The following RAB15 variants were observed in gnomAD, a reference collection of about 807,000 sequenced individuals.
The protein encoded by RAB15 is RAB15, member RAS oncogene family, also known as ras-related protein Rab-15.
RAB15 carries 13 observed loss-of-function variants against 31.8 expected under a neutral mutation model. The ratio of observed to expected loss-of-function variants is 0.41; its 90% confidence interval spans 0.27 to 0.65. The LOEUF is 0.65. RAB15 is among the 30% of genes least tolerant of loss of function. RAB15 has a pLI of 0.32. For synonymous variants in RAB15, 100 were observed against 105.6 expected, an observed-to-expected ratio of 0.95 and a Z score of 0.33; for missense variants, 220 against 277.3, an observed-to-expected ratio of 0.79 and a Z score of 1.47.
At chr14:64,967,371 G>A (rs1887192369) in intron 1 of RAB15, among the ~76,000 whole-genome samples, 1 of 152,150 alleles carries the variant, frequency 6.6e-6, no homozygotes, top group Non-Finnish European at 1.5e-5. Context: ...GGTGGATCAC[G>A]AGTCCAGGAG....
intron 1 of RAB15, among the ~76,000 whole-genome samples, chr14:64,966,292 G>A (rs1887134211): frequency 6.6e-6 from 1 of 152,158 alleles, no homozygotes; most frequent in African/African-American, 2.4e-5. Flanking sequence ...GAGTGCACAA[G>A]TGATGGATAC....
Position 64,962,542 on chromosome 14 carries a change from A to G in RAB15, c.124+9411T>C, listed in dbSNP as rs1886918084. ...CTGCGGGATAAAGTAGAGAGTGAGG[A>G]GACCCCAAGCACAAGCAACCTTAGA... On this transcript the variant is annotated intron_variant, in intron 1 of 6. Coordinates refer to ENST00000533601, the MANE Select transcript of RAB15 (RefSeq NM_001308154.2). The surrounding 1 kb of genome is among the most constrained non-coding windows in gnomAD (Gnocchi z 4.2). 6.6e-6 allele frequency among the ~76,000 whole-genome samples: 1 copy of G among 152,238 alleles called. No individual in the cohort carries two copies.
chr14:64,950,480 G>T lies in RAB15; in HGVS notation c.325-66C>A. 1 of 1,309,034 alleles carries T rather than the reference G, an allele frequency of 7.6e-7. No individual in the cohort carries two copies. The highest frequency in any genetic ancestry group is 1.1e-6 in the Non-Finnish European group (1 of 906,426). The allele number at this position is 1,309,034 out of a possible 1,614,324, so 81.1% of individuals were successfully genotyped here. A position where few individuals can be genotyped will look rare whatever the true frequency, so the allele number is the denominator to read the frequency against. On this transcript the variant is annotated intron_variant, in intron 4 of 6. Coordinates refer to ENST00000533601, the MANE Select transcript of RAB15 (RefSeq NM_001308154.2). The surrounding 1 kb of genome is among the most constrained non-coding windows in gnomAD (Gnocchi z 5.6). Reference sequence around the variant, plus strand: ...CTGCCCCCCCAATTTTCCCTACAGAGTCTGCACTGCCTCCAGCCCACCACC... The same window carrying T: ...CTGCCCCCCCAATTTTCCCTACAGATTCTGCACTGCCTCCAGCCCACCACC...
At chr14:64,961,054 G>A (rs947243941) in intron 1 of RAB15, among the ~76,000 whole-genome samples, 2 of 151,944 alleles carry the variant, frequency 1.3e-5, no homozygotes, top group Non-Finnish European at 2.9e-5. Flanking sequence ...TTATCACCAG[G>A]ATCAACCACA....
At position 64,954,061 on chromosome 14, in the gene RAB15, AATC is replaced by A; in HGVS notation, c.125-1493_125-1491del. The A allele has an allele frequency of 5.1e-6, 5 of 985,508 alleles. No individual in the cohort carries two copies. The highest frequency in any genetic ancestry group is 6.0e-6 in the Non-Finnish European group (5 of 829,946). 61.0% of individuals were successfully genotyped at this position (985,508 alleles called of 1,614,324 possible). A position where few individuals can be genotyped will look rare whatever the true frequency, so the allele number is the denominator to read the frequency against. On this transcript the variant is annotated intron_variant, in intron 1 of 6. Coordinates refer to ENST00000533601, the MANE Select transcript of RAB15 (RefSeq NM_001308154.2). The surrounding 1 kb of genome is among the most constrained non-coding windows in gnomAD (Gnocchi z 4.3). The stretch of plus-strand genomic sequence containing the variant: ...TCTCTTCCTTCCCACCATCAAGACC[AATC>A]ATCATTTAATTACAAGGGAAAAAAG...
At position 64,971,866 on chromosome 14, in the gene RAB15, G is replaced by T; in HGVS notation, c.124+87C>A. ...CCACCGCCTCCAGCCGGAGGGGCTG[G>T]CAATTCCTCCCCAGCTGGGGACGGG... On this transcript the variant is annotated intron_variant, in intron 1 of 6. Coordinates refer to ENST00000533601, the MANE Select transcript of RAB15 (RefSeq NM_001308154.2). The surrounding 1 kb of genome is among the most constrained non-coding windows in gnomAD (Gnocchi z 4.1). The T allele has an allele frequency of 7.6e-7, 1 of 1,311,350 alleles. No individual in the cohort carries two copies. Among genetic ancestry groups the T allele is most frequent in the Non-Finnish European group, 1.0e-6 (1 of 953,866 alleles). The allele number at this position is 1,311,350 out of a possible 1,614,324, so 81.2% of individuals were successfully genotyped here.
At position 64,947,976 on chromosome 14, in the gene RAB15, A is replaced by C; in HGVS notation, c.*378T>G. The stretch of plus-strand genomic sequence containing the variant: ...GGGTCAGAGAAAGAGAAGTGGGGGA[A>C]GAGAGAAAAAGCAGAGAAGAGACAC... On this transcript the variant is annotated 3_prime_UTR_variant, in exon 7 of 7. Coordinates refer to ENST00000533601, the MANE Select transcript of RAB15 (RefSeq NM_001308154.2). This position sits in a 1 kb window ranked among gnomAD's most constrained non-coding sequence, Gnocchi z 5.6. 12 of 191,416 alleles carry C rather than the reference A, an allele frequency of 6.3e-5. No individual in the cohort carries two copies. Among genetic ancestry groups the C allele is most frequent in the East Asian group, 2.5e-4 (2 of 7,940 alleles). 11.9% of individuals were successfully genotyped at this position (191,416 alleles called of 1,614,324 possible). A position where few individuals can be genotyped will look rare whatever the true frequency, so the allele number is the denominator to read the frequency against.
In RAB15 at chr14:64,958,877, C is replaced by A; in HGVS notation, c.125-6306G>T. On this transcript the variant is annotated intron_variant, in intron 1 of 6. Coordinates refer to ENST00000533601, the MANE Select transcript of RAB15 (RefSeq NM_001308154.2). This position sits in a 1 kb window ranked among gnomAD's most constrained non-coding sequence, Gnocchi z 4.4. ...TATGCCCATCATGGTGCCTGCCACA[C>A]CCTGTGTCCCTTTCTGGCTAGAACA... Among the ~76,000 whole-genome samples the A allele has an allele frequency of 1.3e-5, 2 of 152,216 alleles. 1 individual carries two copies. The highest frequency in any genetic ancestry group is 2.9e-5 in the Non-Finnish European group (2 of 68,040).
intron 1 of RAB15, among the ~76,000 whole-genome samples, chr14:64,959,408 A>G (rs1555386464): frequency 6.6e-6 from 1 of 152,152 alleles, no homozygotes; most frequent in Non-Finnish European, 1.5e-5. Flanking sequence ...ACTGCCCCCT[A>G]TTTTTGTCTT....
chr14:64,950,875 T>C lies in RAB15; in HGVS notation c.324+199A>G. 9.7e-7 allele frequency: 1 copy of C among 1,028,258 alleles called. No homozygotes were observed. The highest frequency in any genetic ancestry group is 1.5e-6 in the Non-Finnish European group (1 of 681,540). The allele number at this position is 1,028,258 out of a possible 1,614,324, so 63.7% of individuals were successfully genotyped here. ...TTCATTTCCGGGAAAGACACAGCCG[T>C]GGAGGCCTGGCAGGGTATAGAGAGT... On this transcript the variant is annotated intron_variant, in intron 4 of 6. Transcript: ENST00000533601. The surrounding 1 kb of genome is among the most constrained non-coding windows in gnomAD (Gnocchi z 5.6).
chr14:64,964,983 T>C (rs909474561), intron 1 of RAB15, among the ~76,000 whole-genome samples: 1 of 152,040 alleles, frequency 6.6e-6, no homozygotes, highest in Non-Finnish European at 1.5e-5. Flanking sequence ...TCTCACTCTG[T>C]CACCCAGGCT....
In RAB15 at chr14:64,971,868, A is replaced by T; in HGVS notation, c.124+85T>A. On this transcript the variant is annotated intron_variant, in intron 1 of 6. Transcript: ENST00000533601. The surrounding 1 kb of genome is among the most constrained non-coding windows in gnomAD (Gnocchi z 4.1). Reference sequence around the variant, plus strand: ...ACCGCCTCCAGCCGGAGGGGCTGGCAATTCCTCCCCAGCTGGGGACGGGGG... The same window carrying T: ...ACCGCCTCCAGCCGGAGGGGCTGGCTATTCCTCCCCAGCTGGGGACGGGGG... 1 of 1,316,994 alleles carries T rather than the reference A, an allele frequency of 7.6e-7. No individual in the cohort carries two copies. The highest frequency in any genetic ancestry group is 1.0e-6 in the Non-Finnish European group (1 of 958,860). 81.6% of individuals were successfully genotyped at this position (1,316,994 alleles called of 1,614,324 possible). A position where few individuals can be genotyped will look rare whatever the true frequency, so the allele number is the denominator to read the frequency against.
chr14:64,950,791 C>A lies in RAB15; in HGVS notation c.324+283G>T. 1 of 636,068 alleles carries A rather than the reference C, an allele frequency of 1.6e-6. No homozygotes were observed. Among genetic ancestry groups the A allele is most frequent in the Non-Finnish European group, 2.8e-6 (1 of 362,382 alleles). 39.4% of individuals were successfully genotyped at this position (636,068 alleles called of 1,614,324 possible). A position where few individuals can be genotyped will look rare whatever the true frequency, so the allele number is the denominator to read the frequency against. ...CCAGGACTAGATCCCAATCTTGCAA[C>A]TCCACCTGGTCCCAAGATTTCAGGA... On this transcript the variant is annotated intron_variant, in intron 4 of 6. Coordinates refer to ENST00000533601, the MANE Select transcript of RAB15 (RefSeq NM_001308154.2). This position sits in a 1 kb window ranked among gnomAD's most constrained non-coding sequence, Gnocchi z 5.6.
Position 64,952,797 on chromosome 14 carries a change from C to T in RAB15, c.125-226G>A, listed in dbSNP as rs1299982907. Among the ~76,000 whole-genome samples the T allele has an allele frequency of 1.3e-5, 2 of 152,126 alleles. No homozygotes were observed. The highest frequency in any genetic ancestry group is 2.9e-5 in the Non-Finnish European group (2 of 68,034). ...GCTGAAAGTTGCCACAAGTAAAGGC[C>T]CTGGGGGACCCAGAGGAGGGAGAGT... On this transcript the variant is annotated intron_variant, in intron 1 of 6. Transcript: ENST00000533601. This position sits in a 1 kb window ranked among gnomAD's most constrained non-coding sequence, Gnocchi z 4.2.
At position 64,950,519 on chromosome 14, in the gene RAB15, T is replaced by A; in HGVS notation, c.325-105A>T. ...CAGCCCACCACCAATTCCAGAGCCCTAGGGACAGGGTGGGCCGACTGGATG... is the reference window on the plus strand; with the variant it reads ...CAGCCCACCACCAATTCCAGAGCCCAAGGGACAGGGTGGGCCGACTGGATG... On this transcript the variant is annotated intron_variant, in intron 4 of 6. Coordinates refer to ENST00000533601, the MANE Select transcript of RAB15 (RefSeq NM_001308154.2). This position sits in a 1 kb window ranked among gnomAD's most constrained non-coding sequence, Gnocchi z 5.6. 1 of 985,424 alleles carries A rather than the reference T, an allele frequency of 1.0e-6. No individual in the cohort carries two copies. The highest frequency in any genetic ancestry group is 1.6e-6 in the Non-Finnish European group (1 of 619,502). 61.0% of individuals were successfully genotyped at this position (985,424 alleles called of 1,614,324 possible).
intron 1 of RAB15, among the ~76,000 whole-genome samples, chr14:64,959,250 A>G (rs1043223623): frequency 6.6e-6 from 1 of 152,198 alleles, no homozygotes; most frequent in African/African-American, 2.4e-5. Context: ...ATGGGTATCC[A>G]TAGAGCACAT....
Position 64,950,574 on chromosome 14 carries a change from C to T in RAB15, c.325-160G>A. The T allele has an allele frequency of 1.4e-6, 1 of 697,204 alleles. No homozygotes were observed. Among genetic ancestry groups the T allele is most frequent in the Non-Finnish European group, 2.6e-6 (1 of 389,426 alleles). 43.2% of individuals were successfully genotyped at this position (697,204 alleles called of 1,614,324 possible). ...TGCCAGGCTCCCCCAAGTGCCATGG[C>T]TGACCTCAAGGGTATCACGGGGAGA... On this transcript the variant is annotated intron_variant, in intron 4 of 6. Transcript: ENST00000533601. The surrounding 1 kb of genome is among the most constrained non-coding windows in gnomAD (Gnocchi z 5.6).
Position 64,950,218 on chromosome 14 carries a change from G to A in RAB15, c.414+107C>T, listed in dbSNP as rs960113765. 5 of 906,576 alleles carry A rather than the reference G, an allele frequency of 5.5e-6. No individual in the cohort carries two copies. In the African/African-American group the frequency reaches 6.5e-5, roughly 12 times the overall value. 56.2% of individuals were successfully genotyped at this position (906,576 alleles called of 1,614,324 possible). On this transcript the variant is annotated intron_variant, in intron 5 of 6. Transcript: ENST00000533601. The surrounding 1 kb of genome is among the most constrained non-coding windows in gnomAD (Gnocchi z 5.6). ...GGGCCTTGGGGTGCTGGGGACGTGT[G>A]GGAGGACCTGCCACTGGGGAACACA...
chr14:64,965,016 G>C (rs1887058061), intron 1 of RAB15, among the ~76,000 whole-genome samples: 1 of 152,170 alleles, frequency 6.6e-6, no homozygotes, highest in Admixed American at 6.5e-5. Context: ...TGTGATCACA[G>C]CTCACTGTGG....
Sources: allele counts gnomAD v4.1 joint callset (sites outside exome capture counted in the v4.1 genomes callset), GRCh38; gene constraint gnomAD v4.1.1; non-coding constraint Gnocchi (gnomAD v3.1); transcripts MANE v1.5; gene names NCBI Gene and HGNC (gene_info 2026-07-23, HGNC 2026-07-21).